Variants in ARHGAP18 observed in about 807,000 individuals in gnomAD.
ARHGAP18 encodes the protein Rho GTPase activating protein 18, also known as rho GTPase-activating protein 18.
A neutral mutation model predicts 86.2 loss-of-function variants in ARHGAP18; 67 were observed. The ratio of observed to expected loss-of-function variants is 0.78; its 90% CI spans 0.64 to 0.95. The LOEUF (loss-of-function observed/expected upper bound fraction) is 0.95, where lower values mean the gene tolerates loss of function less well. Among genes scored for constraint, ARHGAP18 ranks in the 40% least tolerant of loss-of-function variants. The pLI is 0.00. For missense variants in ARHGAP18, 691 were observed against 780.4 expected (o/e 0.89, Z 1.37); for synonymous variants, 283 against 280.4 (o/e 1.01, Z -0.09).
Position 129,641,841 on chromosome 6 carries a change from C to T in ARHGAP18, c.291G>A (p.Glu97=), listed in dbSNP as rs779031349. ...KSSENSQEDQ[E]VVVVKEPDEG... ...CATCAGGCTCTTTGACAACAACCAC[C>T]TCTTGATCTTCTTGGCTGTTTTCAC... The change falls in exon 2 of 15, where the codon GAG becomes GAA. Residue 97 remains glutamate (E), a synonymous_variant. Coordinates refer to ENST00000368149, the MANE Select transcript of ARHGAP18 (RefSeq NM_033515.3). 10 of 1,613,828 alleles carry T rather than the reference C, an allele frequency of 6.2e-6. No homozygotes were observed. Among genetic ancestry groups the T allele is most frequent in the Admixed American group, 1.7e-5 (1 of 60,024 alleles).
intron 12 of ARHGAP18, among the ~76,000 whole-genome samples, chr6:129,595,379 A>G (rs765908611): frequency 6.6e-6 from 1 of 152,178 alleles, no homozygotes; most frequent in Non-Finnish European, 1.5e-5. Flanking sequence ...CTTTTGGATT[A>G]TCTCTAATTT....
chr6:129,634,203 A>G, intron 3 of ARHGAP18, 98 bp from the exon 4 acceptor site: 1 of 976,122 alleles, frequency 1.0e-6, no homozygotes, highest in Non-Finnish European at 1.6e-6. Context: ...AGTACAAGAC[A>G]TGTACTCAGA....
At position 129,638,537 on chromosome 6, in the gene ARHGAP18, A is replaced by G. The variant is rs770802381; in HGVS notation, c.409T>C (p.Leu137=). 1.5e-5 allele frequency: 24 copies of G among 1,614,050 alleles called. 1 individual carries two copies. The South Asian group carries it at 2.4e-4, about 16-fold the overall frequency. The change falls in exon 3 of 15, where the codon TTA becomes CTA. Residue 137 remains leucine, a synonymous_variant. Coordinates refer to ENST00000368149, the MANE Select transcript of ARHGAP18 (RefSeq NM_033515.3). The part of the protein sequence containing the change: ...AGDPQESIVF[L]STLTRTQAAA... The stretch of plus-strand genomic sequence containing the variant: ...GCCTGGGTCCGCGTCAATGTTGATA[A>G]AAACACAATGCTTTCCTGTGGATCT...
intron 1 of ARHGAP18, among the ~76,000 whole-genome samples, chr6:129,665,636 A>G (rs1036262319): frequency 6.6e-6 from 1 of 152,226 alleles, no homozygotes; most frequent in Non-Finnish European, 1.5e-5. Context: ...ACCTTTCATA[A>G]TAAAATGCTC....
Position 129,618,714 on chromosome 6 carries a change from G to A in ARHGAP18, c.925C>T (p.Gln309Ter), listed in dbSNP as rs1789146448. The A allele has an allele frequency of 1.2e-6, 2 of 1,602,944 alleles. No individual in the cohort carries two copies. Among genetic ancestry groups the A allele is most frequent in the Non-Finnish European group, 1.7e-6 (2 of 1,175,172 alleles). Residue 309 changes from glutamine to a stop codon, truncating the protein, a stop_gained, in exon 6 of 15, where the codon CAA (glutamine) becomes TAA (stop). Coordinates refer to ENST00000368149, the MANE Select transcript of ARHGAP18 (RefSeq NM_033515.3). LOFTEE classifies it high-confidence loss of function. ...TTTGTTTTGATTTTCACAGCTTTTT[G>A]TTGTTTCAGCTCAATACCCAATACA... The part of the protein sequence containing the change: ...YDVLGIELKQ[Q>*]KAVKIKTKDS...
chr6:129,590,640 C>A (rs926348191), intron 12 of ARHGAP18, among the ~76,000 whole-genome samples: 8 of 152,182 alleles, frequency 5.3e-5, no homozygotes, highest in Non-Finnish European at 1.0e-4. Flanking sequence ...TCCCAAGCTA[C>A]AAACGGTAGT....
intron 5 of ARHGAP18, among the ~76,000 whole-genome samples, chr6:129,619,856 G>A (rs1050849550): frequency 9.2e-5 from 14 of 151,918 alleles, no homozygotes; most frequent in Non-Finnish European, 1.8e-4. Flanking sequence ...GAAGAGCATG[G>A]ACTTCAGAGC....
At chr6:129,616,338 T>C in intron 6 of ARHGAP18, 35 bp from the exon 7 acceptor site, 1 of 1,510,302 alleles carries the variant, frequency 6.6e-7, no homozygotes, top group Middle Eastern at 1.7e-4. Flanking sequence ...CTCACTTTTG[T>C]CAATCTATAA....
intron 13 of ARHGAP18, among the ~76,000 whole-genome samples, chr6:129,582,131 G>GAAGGAATAGGAGGAA (rs148638698): frequency 0.03 from 4,516 of 152,132 alleles, 125 homozygotes; most frequent in African/African-American, 0.072. Flanking sequence ...TCTAGGTGGA[G>GAAGGAATAGGAGGAA]AAGGAATAGG....
In ARHGAP18 at chr6:129,625,908, A is replaced by ATTATATATTATATAT. The variant is rs1562698592; in HGVS notation, c.786+3444_786+3445insATATATAATATATAA. ...TATATTATATATTATATATTTATAT[A>ATTATATATTATATAT]TTATATATTATAGATATTTATATAT... On this transcript the variant is annotated intron_variant, in intron 5 of 14. Coordinates refer to ENST00000368149, the MANE Select transcript of ARHGAP18 (RefSeq NM_033515.3). 8.5e-3 allele frequency among the ~76,000 whole-genome samples: 689 copies of ATTATATATTATATAT among 81,464 alleles called. 1 individual carries two copies. The highest frequency in any genetic ancestry group is 0.013 in the Non-Finnish European group (554 of 42,682). 53.4% of individuals were successfully genotyped at this position (81,464 alleles called of 152,430 possible). A position where few individuals can be genotyped will look rare whatever the true frequency, so the allele number is the denominator to read the frequency against.
At chr6:129,695,143 G>A (rs567174210) in intron 1 of ARHGAP18, among the ~76,000 whole-genome samples, 1 of 152,048 alleles carries the variant, frequency 6.6e-6, no homozygotes, top group East Asian at 1.9e-4. Context: ...AAAAATAATG[G>A]CTTCTAGGTC....
intron 7 of ARHGAP18, among the ~76,000 whole-genome samples, chr6:129,613,758 AT>A (rs1789032949): frequency 6.6e-6 from 1 of 152,208 alleles, no homozygotes. Context: ...TAAAATATAA[AT>A]AATACTTTAT....
intron 2 of ARHGAP18, 48 bp from the exon 3 acceptor site, chr6:129,638,677 CT>C: frequency 6.5e-7 from 1 of 1,530,982 alleles, no homozygotes. Flanking sequence ...ATATAACAAC[CT>C]TTACATTTTT....
chr6:129,649,578 A>AG (rs1773660322), intron 1 of ARHGAP18, among the ~76,000 whole-genome samples: 1 of 149,818 alleles, frequency 6.7e-6, no homozygotes, highest in Admixed American at 6.6e-5. Context: ...AAAAAAAAAA[A>AG]GTCACTTAAC....
At chr6:129,686,894 G>A (rs915102773) in intron 1 of ARHGAP18, among the ~76,000 whole-genome samples, 10 of 148,658 alleles carry the variant, frequency 6.7e-5, no homozygotes, top group Non-Finnish European at 1.0e-4. Flanking sequence ...AGGTTCAAGC[G>A]ATCCTCCTGC....
intron 5 of ARHGAP18, among the ~76,000 whole-genome samples, chr6:129,620,083 T>C (rs1052499982): frequency 3.3e-5 from 5 of 152,244 alleles, no homozygotes; most frequent in African/African-American, 1.2e-4. Flanking sequence ...GTACACCTCA[T>C]CCAAACTGCT....
chr6:129,583,164 C>G (rs923666172), intron 13 of ARHGAP18, among the ~76,000 whole-genome samples: 9 of 152,112 alleles, frequency 5.9e-5, no homozygotes, highest in African/African-American at 1.9e-4. Context: ...ACAGAGTATT[C>G]GTAAACTGAG....
rs1457894859 is a variant in ARHGAP18, at chr6:129,578,368, G to A, written c.*145C>T. 2 of 410,342 alleles carry A rather than the reference G, an allele frequency of 4.9e-6. No homozygotes were observed. Among genetic ancestry groups the A allele is most frequent in the Non-Finnish European group, 8.4e-6 (2 of 238,338 alleles). The allele number at this position is 410,342 out of a possible 1,614,324, so 25.4% of individuals were successfully genotyped here. A position where few individuals can be genotyped will look rare whatever the true frequency, so the allele number is the denominator to read the frequency against. Reference sequence around the variant, plus strand: ...AATTCTGGCAGCAGCACAAATCTATGACTTTTTAAGGCTTAAGAGAGTCAT... The same window carrying A: ...AATTCTGGCAGCAGCACAAATCTATAACTTTTTAAGGCTTAAGAGAGTCAT... On this transcript the variant is annotated 3_prime_UTR_variant, in exon 15 of 15. Transcript: ENST00000368149.
chr6:129,699,884 A>T (rs1036018643), intron 1 of ARHGAP18, among the ~76,000 whole-genome samples: 2 of 152,066 alleles, frequency 1.3e-5, no homozygotes, highest in African/African-American at 4.8e-5. Flanking sequence ...TGGAGAACTG[A>T]CTAGGAGGAC....
Sources: allele counts gnomAD v4.1 joint callset (sites outside exome capture counted in the v4.1 genomes callset), GRCh38; gene constraint gnomAD v4.1.1; transcripts MANE v1.5; gene names NCBI Gene and HGNC (gene_info 2026-07-23, HGNC 2026-07-21).